SUMF1: variants seen among roughly 807,000 people sequenced by gnomAD.
The protein encoded by SUMF1 is formylglycine-generating enzyme.
SUMF1 carries 48 observed loss-of-function variants against 47.6 expected under a neutral mutation model. That is an observed-to-expected ratio of 1.01 (90% CI 0.80 to 1.28). The LOEUF is 1.28. SUMF1 is among the 50% of genes most tolerant of loss of function. The pLI, the probability that SUMF1 is intolerant of heterozygous loss-of-function variation, is 0.00. For missense variants in SUMF1, 571 were observed against 485.4 expected, an observed-to-expected ratio of 1.18 and a Z score of -1.66; for synonymous variants, 230 against 192.1, an observed-to-expected ratio of 1.20 and a Z score of -1.63.
chr3:4,141,698 A>C (rs758558319), intron 8 of SUMF1, among the ~76,000 whole-genome samples: 2 of 150,734 alleles, frequency 1.3e-5, no homozygotes, highest in Non-Finnish European at 2.9e-5. Context: ...AACAAACAAA[A>C]AACATAGCTA....
chr3:4,376,346 G>C lies in SUMF1; in HGVS notation c.998C>G (p.Ser333Cys), dbSNP rs1700327970. ...ATGACTTACCCTATGGCACATGTAG[G>C]ATCCACCTTTCTTCACTCGGTCTTT... ...SGKDRVKKGG[S>C]YMCHRSYCYR... Residue 333 changes from serine (S) to cysteine (C), a missense_variant, in exon 8 of 9, where the codon TCC becomes TGC. Transcript: ENST00000272902. The C allele has an allele frequency of 1.2e-6, 2 of 1,614,024 alleles. No homozygotes were observed. Among genetic ancestry groups the C allele is most frequent in the Non-Finnish European group, 1.7e-6 (2 of 1,179,998 alleles).
chr3:4,373,107 C>G (rs1020932783), intron 8 of SUMF1, among the ~76,000 whole-genome samples: 3 of 152,194 alleles, frequency 2.0e-5, no homozygotes, highest in Non-Finnish European at 4.4e-5. Context: ...ATAATATAGA[C>G]TTTAAATCAA....
chr3:4,204,564 T>G (rs1695610336), intron 8 of SUMF1, among the ~76,000 whole-genome samples: 1 of 152,134 alleles, frequency 6.6e-6, no homozygotes, highest in Admixed American at 6.5e-5. Context: ...TTGAATAAAT[T>G]TTATGGTCCA....
At chr3:4,208,780 G>T (rs1481661382) in intron 8 of SUMF1, among the ~76,000 whole-genome samples, 5 of 151,864 alleles carry the variant, frequency 3.3e-5, no homozygotes, top group Non-Finnish European at 7.4e-5. Flanking sequence ...AAACTGAAAA[G>T]AAAAAAGACT....
chr3:4,267,082 A>C (rs1489399688), intron 8 of SUMF1, among the ~76,000 whole-genome samples: 1 of 152,144 alleles, frequency 6.6e-6, no homozygotes, highest in Non-Finnish European at 1.5e-5. Flanking sequence ...AGCCCACTTG[A>C]TCATGGTGGA....
chr3:4,211,578 C>A (rs776025655), intron 8 of SUMF1, among the ~76,000 whole-genome samples: 3 of 151,998 alleles, frequency 2.0e-5, no homozygotes, highest in Admixed American at 2.0e-4. Flanking sequence ...AAACCGGACA[C>A]AGAAAACTCC....
At chr3:4,191,789 T>C (rs1263782058) in intron 8 of SUMF1, among the ~76,000 whole-genome samples, 1 of 152,062 alleles carries the variant, frequency 6.6e-6, no homozygotes, top group Non-Finnish European at 1.5e-5. Flanking sequence ...GATTTATTGG[T>C]AGTTAAGAGT....
chr3:4,258,135 G>A (rs1347760011), intron 8 of SUMF1, among the ~76,000 whole-genome samples: 34 of 149,272 alleles, frequency 2.3e-4, no homozygotes, highest in Non-Finnish European at 3.1e-4. Flanking sequence ...AGATTTAAAC[G>A]TTAGACCTAA....
At chr3:4,457,038 G>GTATATATATACGTGTGTGTGTATATA (rs1559313302) in intron 1 of SUMF1, among the ~76,000 whole-genome samples, 3 of 109,258 alleles carry the variant, frequency 2.7e-5, no homozygotes, top group Non-Finnish European at 4.1e-5. Flanking sequence ...ACGTGTGTGT[G>GTATATATATACGTGTGTGTGTATATA]TATATATATA....
At chr3:4,263,366 G>A (rs1697124753) in intron 8 of SUMF1, among the ~76,000 whole-genome samples, 1 of 152,132 alleles carries the variant, frequency 6.6e-6, no homozygotes, top group African/African-American at 2.4e-5. Flanking sequence ...TCAAGGTAAA[G>A]GTGTGTGATG....
At chr3:4,241,048 C>G (rs1404172613) in intron 8 of SUMF1, among the ~76,000 whole-genome samples, 2 of 151,890 alleles carry the variant, frequency 1.3e-5, no homozygotes, top group Non-Finnish European at 1.5e-5. Context: ...ACATTTATAT[C>G]AGTAGAAAGT....
chr3:4,091,093 C>A (rs1373949041), intron 8 of SUMF1, among the ~76,000 whole-genome samples: 8 of 140,712 alleles, frequency 5.7e-5, no homozygotes, highest in Non-Finnish European at 1.0e-4. Flanking sequence ...ACAACAACAA[C>A]AACAAAAAAA....
intron 8 of SUMF1, among the ~76,000 whole-genome samples, chr3:4,317,973 A>C (rs190745693): frequency 1.1e-3 from 162 of 152,296 alleles, no homozygotes; most frequent in South Asian, 2.3e-3. Context: ...GGAAAAAGTC[A>C]CTAAGAGGTG....
In SUMF1 at chr3:4,130,931, G is replaced by A. The variant is rs150933854; in HGVS notation, c.1015-62186C>T. Among the ~76,000 whole-genome samples the A allele has an allele frequency of 3.2e-3, 482 of 152,258 alleles. 5 individuals carry two copies. The highest frequency in any genetic ancestry group is 0.017 in the Middle Eastern group (5 of 294). On this transcript the variant is annotated intron_variant and NMD_transcript_variant, in intron 8 of 12. Coordinates refer to the SUMF1 transcript ENST00000448413. ...TGACCCAACAGATCCAATGGTGCTT[G>A]AGATGTCTGACAGGTAGGGATGCTG... is the stretch of plus-strand genomic sequence containing the variant.
chr3:4,324,210 T>C (rs937803713), intron 8 of SUMF1, among the ~76,000 whole-genome samples: 4 of 152,004 alleles, frequency 2.6e-5, no homozygotes, highest in African/African-American at 9.7e-5. Flanking sequence ...TTTCTCAAAT[T>C]GAAATTAATT....
chr3:4,124,855 A>C (rs1349918392), intron 8 of SUMF1, among the ~76,000 whole-genome samples: 2 of 152,044 alleles, frequency 1.3e-5, no homozygotes, highest in East Asian at 3.9e-4. Context: ...ACTGAAAGTC[A>C]ATATCTAATA....
rs571958611 is a variant in SUMF1, at chr3:4,351,599, T to C, written c.1014+24731A>G. Among the ~76,000 whole-genome samples, 3 of 152,298 alleles carry C rather than the reference T, an allele frequency of 2.0e-5. No homozygotes were observed. The South Asian group carries it at 6.2e-4, about 32-fold the overall frequency. On this transcript the variant is annotated intron_variant and NMD_transcript_variant, in intron 8 of 12. Coordinates refer to the SUMF1 transcript ENST00000448413. ...TCATGTTTTCCAGTGGATGAATGTGTTCCATGCACCCAAGCCTTCTTCCAC... is the reference window on the plus strand; with the variant it reads ...TCATGTTTTCCAGTGGATGAATGTGCTCCATGCACCCAAGCCTTCTTCCAC...
At chr3:4,254,274 A>G (rs1343870963) in intron 8 of SUMF1, among the ~76,000 whole-genome samples, 2 of 152,004 alleles carry the variant, frequency 1.3e-5, no homozygotes, top group African/African-American at 4.8e-5. Context: ...AATGACTTTG[A>G]CGAGCTGAGA....
intron 1 of SUMF1, among the ~76,000 whole-genome samples, chr3:4,462,330 T>C (rs1358916986): frequency 6.6e-6 from 1 of 152,142 alleles, no homozygotes; most frequent in Non-Finnish European, 1.5e-5. Context: ...CTTTTTCTCT[T>C]CTAGTTATCT....
Sources: allele counts gnomAD v4.1 joint callset (sites outside exome capture counted in the v4.1 genomes callset), GRCh38; gene constraint gnomAD v4.1.1; transcripts MANE v1.5; gene names NCBI Gene and HGNC (gene_info 2026-07-23, HGNC 2026-07-21).